Variants in CDS2 observed in about 807,000 individuals in gnomAD.
CDS2 encodes phosphatidate cytidylyltransferase 2.
Under a neutral mutation model 59.0 loss-of-function variants are expected in CDS2, and 47 were observed. The ratio of observed to expected loss-of-function variants is 0.80; its 90% confidence interval spans 0.63 to 1.02. The LOEUF is 1.02. Ranked by LOEUF, CDS2 falls within the 50% of genes least tolerant of loss-of-function variation. CDS2 has a pLI of 0.00. For missense variants in CDS2, 356 were observed against 558.9 expected (o/e 0.64, Z 3.66); for synonymous variants, 207 against 206.4 (o/e 1.00, Z -0.02).
At chr20:5,164,758 T>C (rs1382631111) in intron 1 of CDS2, among the ~76,000 whole-genome samples, 1 of 152,140 alleles carries the variant, frequency 6.6e-6, no homozygotes, top group Non-Finnish European at 1.5e-5. Context: ...GGCTTCTGAT[T>C]TTTGGTGTCT....
chr20:5,137,018 A>C (rs899804326), intron 1 of CDS2, among the ~76,000 whole-genome samples: 5 of 152,096 alleles, frequency 3.3e-5, no homozygotes, highest in African/African-American at 1.2e-4. Flanking sequence ...TCACTCTGCA[A>C]GTGAGAACAT....
In CDS2 at chr20:5,190,227, A is replaced by G; in HGVS notation, c.1331A>G (p.Asp444Gly). 4 of 1,613,720 alleles carry G rather than the reference A, an allele frequency of 2.5e-6. No homozygotes were observed. The Admixed American group carries it at 6.7e-5, about 27-fold the overall frequency. Reference protein sequence around the residue: ...DKGMLTSTTEDE With the variant: ...DKGMLTSTTEGE ...GGGATGCTGACATCCACCACAGAGG[A>G]CGAGTAGGGGCCACCCAGGGCCAGG... Residue 444 changes from aspartate (D) to glycine (G), a missense_variant, in exon 13 of 13, where the codon GAC becomes GGC. Asp to Gly is a moderately conservative substitution (Grantham distance 94). Around this residue, in one of 5 missense-constraint regions of CDS2, gnomAD observed 33 missense variants for 27.9 expected, o/e 1.18. Transcript: ENST00000460006.
At chr20:5,170,535 C>T (rs1363619228) in intron 1 of CDS2, among the ~76,000 whole-genome samples, 1 of 152,200 alleles carries the variant, frequency 6.6e-6, no homozygotes, top group Non-Finnish European at 1.5e-5. Flanking sequence ...CTGACCTGTC[C>T]CCCTCCTCCT....
At chr20:5,189,670 C>T in intron 11 of CDS2, 65 bp from the exon 12 acceptor site, 2 of 1,168,034 alleles carry the variant, frequency 1.7e-6, no homozygotes, top group South Asian at 2.6e-5. Context: ...TGGGGTGGGA[C>T]CATTAGGCTG....
At position 5,193,434 on chromosome 20, in the gene CDS2, A is replaced by T. The variant is rs1198111482; in HGVS notation, c.*3200A>T. The T allele has an allele frequency of 6.6e-6, 1 of 152,194 alleles. No homozygotes were observed. Among genetic ancestry groups the T allele is most frequent in the Admixed American group, 6.5e-5 (1 of 15,292 alleles). 9.4% of individuals were successfully genotyped at this position (152,194 alleles called of 1,614,324 possible). On this transcript the variant is annotated 3_prime_UTR_variant, in exon 13 of 13. Transcript: ENST00000460006. ...ACAGGTGGACTTTGAATCCATTTTT[A>T]TAGAATTTTTTTCCACTGTAACTTG...
At chr20:5,181,603 A>G (rs556086002) in intron 5 of CDS2, among the ~76,000 whole-genome samples, 21 of 152,364 alleles carry the variant, frequency 1.4e-4, no homozygotes, top group Middle Eastern at 3.4e-3. Context: ...GGTCTCTTGC[A>G]GTTACAGTCA....
At chr20:5,153,308 A>AT (rs1180638375) in intron 1 of CDS2, among the ~76,000 whole-genome samples, 1 of 152,160 alleles carries the variant, frequency 6.6e-6, no homozygotes. Context: ...TACATATCAT[A>AT]TTTTTACAAT....
intron 11 of CDS2, 33 bp downstream of exon 11, chr20:5,189,219 A>G (rs1447784752): frequency 3.1e-6 from 5 of 1,612,098 alleles, no homozygotes; most frequent in Non-Finnish European, 4.2e-6. Flanking sequence ...CTCTCATCTC[A>G]CTCCCTCACC....
intron 7 of CDS2, 122 bp downstream of exon 7, chr20:5,183,265 T>G: frequency 1.3e-6 from 1 of 752,268 alleles, no homozygotes. Context: ...GGGTTCATTA[T>G]AGCACAGATT....
intron 4 of CDS2, among the ~76,000 whole-genome samples, chr20:5,178,022 T>C (rs2091006910): frequency 1.3e-5 from 2 of 152,188 alleles, no homozygotes; most frequent in Non-Finnish European, 1.5e-5. Context: ...AAAGAAAAGC[T>C]CTCCACTTTC....
rs2122928370 is a variant in CDS2 at position 5,127,165 on chromosome 20, G to C, written c.57+16G>C. On this transcript the variant is annotated intron_variant, in intron 1 of 12. Transcript: ENST00000460006. Reference sequence around the variant, plus strand: ...CGAGGACAAGGTAGCGGCAGCGTCGGGGTGGGCGCGGCCGGGACAGCGGCG... The same window carrying C: ...CGAGGACAAGGTAGCGGCAGCGTCGCGGTGGGCGCGGCCGGGACAGCGGCG... The C allele has an allele frequency of 2.0e-6, 3 of 1,484,354 alleles. No homozygotes were observed. The highest frequency in any genetic ancestry group is 1.8e-6 in the Non-Finnish European group (2 of 1,115,566). The allele number at this position is 1,484,354 out of a possible 1,614,324, so 91.9% of individuals were successfully genotyped here. A position where few individuals can be genotyped will look rare whatever the true frequency, so the allele number is the denominator to read the frequency against.
At chr20:5,186,458 G>A (rs1393817306) in intron 9 of CDS2, among the ~76,000 whole-genome samples, 1 of 151,908 alleles carries the variant, frequency 6.6e-6, no homozygotes, top group Non-Finnish European at 1.5e-5. Context: ...GGATTCTTTC[G>A]GGGCCTGGGT....
At chr20:5,147,247 T>C (rs988275519) in intron 1 of CDS2, among the ~76,000 whole-genome samples, 47 of 152,224 alleles carry the variant, frequency 3.1e-4, no homozygotes, top group African/African-American at 8.9e-4. Flanking sequence ...TAAGATGCAA[T>C]ACAGAGGAGA....
At chr20:5,165,963 C>T (rs1342479209) in intron 1 of CDS2, among the ~76,000 whole-genome samples, 2 of 152,130 alleles carry the variant, frequency 1.3e-5, no homozygotes, top group Admixed American at 1.3e-4. Flanking sequence ...GTAGATAAGA[C>T]CCTGATCTCA....
chr20:5,132,948 G>A (rs543317569), intron 1 of CDS2, among the ~76,000 whole-genome samples: 76 of 151,968 alleles, frequency 5.0e-4, no homozygotes, highest in African/African-American at 1.7e-3. Context: ...TGAGGCGGGC[G>A]GATCACGAGG....
intron 4 of CDS2, among the ~76,000 whole-genome samples, chr20:5,178,611 T>C (rs1393675651): frequency 6.6e-6 from 1 of 152,106 alleles, no homozygotes; most frequent in Non-Finnish European, 1.5e-5. Context: ...GAATGAAAGC[T>C]GCTGTCTGTT....
rs1317939614 is a variant in CDS2, at chr20:5,190,121, C to G, written c.1225C>G (p.Leu409Val). 1.2e-6 allele frequency: 2 copies of G among 1,613,996 alleles called. No individual in the cohort carries two copies. The highest frequency in any genetic ancestry group is 4.5e-5 in the East Asian group (2 of 44,876). The change falls in exon 13 of 13, where the codon CTG (leucine) becomes GTG (valine). Residue 409 changes from leucine (L) to valine (V), a missense_variant. Physicochemically the swap from Leu to Val is conservative, Grantham distance 32. Around this residue, in one of 5 missense-constraint regions of CDS2, gnomAD observed 41 missense variants for 104.4 expected, o/e 0.39. Transcript: ENST00000460006. ...TTCCAGAGGCCCTAACCCAAGCAAA[C>G]TGATTCAGCAGTTCCTGACTTTACG... Reference protein sequence around the residue: ...SFIRGPNPSKLIQQFLTLRPD... With the variant: ...SFIRGPNPSKVIQQFLTLRPD...
chr20:5,131,821 G>A (rs562884923), intron 1 of CDS2, among the ~76,000 whole-genome samples: 2 of 152,250 alleles, frequency 1.3e-5, no homozygotes, highest in South Asian at 4.1e-4. Context: ...TTAAAATGGG[G>A]GTCATAAAAT....
chr20:5,188,160 C>G (rs943187885), intron 10 of CDS2, among the ~76,000 whole-genome samples: 1 of 151,996 alleles, frequency 6.6e-6, no homozygotes, highest in Non-Finnish European at 1.5e-5. Context: ...TTACATAACT[C>G]AGTGAACCAT....
Sources: gnomAD v4.1 joint callset for allele counts (sites outside exome capture counted in the v4.1 genomes callset) on GRCh38, gnomAD v4.1.1 for gene constraint, gnomAD v4.1.1 regional missense constraint, MANE v1.5 for transcripts, NCBI Gene and HGNC (gene_info 2026-07-23, HGNC 2026-07-21) for gene names.